Variants in FRMD4A observed in about 807,000 individuals in gnomAD.
FRMD4A encodes FERM domain containing 4A, also known as FERM domain-containing protein 4A.
Under a neutral mutation model 129.1 loss-of-function variants are expected in FRMD4A, and 29 were observed. That is an observed-to-expected ratio of 0.22 (90% confidence interval 0.17 to 0.31). FRMD4A has a LOEUF of 0.31. Ranked by LOEUF, FRMD4A falls within the 10% of genes least tolerant of loss-of-function variation. The probability of loss-of-function intolerance (pLI) is 1.00; values close to 1 mark genes in which losing one functional copy is unlikely to be tolerated. For synonymous variants in FRMD4A, 634 were observed against 571.6 expected (o/e 1.11, Z -1.56); for missense variants, 1,272 against 1,375.8 (o/e 0.92, Z 1.19).
At chr10:14,285,986 T>C (rs1029007267) in intron 2 of FRMD4A, among the ~76,000 whole-genome samples, 1 of 152,204 alleles carries the variant, frequency 6.6e-6, no homozygotes, top group African/African-American at 2.4e-5. Flanking sequence ...TGCAAAATGG[T>C]GGATCCATGA....
intron 2 of FRMD4A, among the ~76,000 whole-genome samples, chr10:14,013,134 A>T (rs566659165): frequency 2.0e-5 from 3 of 152,284 alleles, no homozygotes; most frequent in Admixed American, 1.3e-4. Flanking sequence ...TTTGTTCCTT[A>T]TCATTCTTTC....
intron 6 of FRMD4A, among the ~76,000 whole-genome samples, chr10:13,779,536 C>T (rs776787631): frequency 5.3e-5 from 8 of 152,128 alleles, no homozygotes; most frequent in Non-Finnish European, 8.8e-5. Context: ...GGACTTCAGA[C>T]GAGTCCCTGA....
intron 2 of FRMD4A, among the ~76,000 whole-genome samples, chr10:14,122,789 G>C (rs1225151319): frequency 6.6e-6 from 1 of 151,954 alleles, no homozygotes; most frequent in Non-Finnish European, 1.5e-5. Context: ...ATTTGGGTGG[G>C]GACACAGATC....
rs185015403 is a variant in FRMD4A, at chr10:14,012,532, A to G, written c.46-153620T>C. Among the ~76,000 whole-genome samples, 17 of 152,264 alleles carry G rather than the reference A, an allele frequency of 1.1e-4. No homozygotes were observed. The East Asian group carries it at 3.3e-3, about 29-fold the overall frequency. Reference sequence around the variant, plus strand: ...ATGGGGGGAATGTTCCATTGGAGAGAGAACATTTTGCAGTGTTGGTGATAA... The same window carrying G: ...ATGGGGGGAATGTTCCATTGGAGAGGGAACATTTTGCAGTGTTGGTGATAA... On this transcript the variant is annotated intron_variant, in intron 2 of 24. Transcript: ENST00000357447.
intron 2 of FRMD4A, among the ~76,000 whole-genome samples, chr10:14,055,436 GCTACACACACA>G (rs1194159667): frequency 7.1e-6 from 1 of 140,764 alleles, no homozygotes; most frequent in African/African-American, 2.7e-5. Flanking sequence ...TGCTGATCTA[GCTACACACACA>G]CACACACACA....
At chr10:13,926,926 G>A (rs1031456185) in intron 2 of FRMD4A, among the ~76,000 whole-genome samples, 1 of 152,108 alleles carries the variant, frequency 6.6e-6, no homozygotes, top group Non-Finnish European at 1.5e-5. Flanking sequence ...GTTCTTCCAA[G>A]TCCTAAGAGT....
At chr10:14,310,914 G>T (rs927748083) in intron 2 of FRMD4A, among the ~76,000 whole-genome samples, 3 of 152,026 alleles carry the variant, frequency 2.0e-5, no homozygotes, top group Non-Finnish European at 4.4e-5. Context: ...TCTTAAGCTC[G>T]CTCCTTGTGT....
intron 2 of FRMD4A, among the ~76,000 whole-genome samples, chr10:13,979,831 C>A (rs984100440): frequency 2.6e-5 from 4 of 152,216 alleles, no homozygotes; most frequent in African/African-American, 9.6e-5. Flanking sequence ...TGTTAAAACA[C>A]AGGCTATGGC....
At chr10:13,890,497 G>C in intron 2 of FRMD4A, 1 of 972,376 alleles carries the variant, frequency 1.0e-6, no homozygotes. Flanking sequence ...AGGTGGAAGG[G>C]GGGTACCAGC....
intron 2 of FRMD4A, among the ~76,000 whole-genome samples, chr10:14,069,302 G>A (rs1004376578): frequency 2.6e-5 from 4 of 152,154 alleles, no homozygotes; most frequent in Admixed American, 6.5e-5. Flanking sequence ...GCCATGGCAC[G>A]TTTCAATCAA....
At chr10:13,965,621 G>T (rs747768178) in intron 2 of FRMD4A, among the ~76,000 whole-genome samples, 6 of 152,150 alleles carry the variant, frequency 3.9e-5, no homozygotes, top group Non-Finnish European at 7.4e-5. Flanking sequence ...TTCTGCAATA[G>T]ATCATATAAA....
intron 2 of FRMD4A, among the ~76,000 whole-genome samples, chr10:14,037,180 C>G (rs1185255228): frequency 1.3e-5 from 2 of 152,210 alleles, no homozygotes; most frequent in Non-Finnish European, 2.9e-5. Context: ...CACAAACACA[C>G]AAATAGAACA....
intron 13 of FRMD4A, among the ~76,000 whole-genome samples, chr10:13,702,991 C>T (rs1236762749): frequency 6.6e-6 from 1 of 151,008 alleles, no homozygotes; most frequent in Non-Finnish European, 1.5e-5. Flanking sequence ...AGGGAGAGAG[C>T]GAGGGGGAGA....
intron 6 of FRMD4A, among the ~76,000 whole-genome samples, chr10:13,777,174 T>C (rs11258594): frequency 0.59 from 90,443 of 152,014 alleles, 28,996 homozygotes; most frequent in East Asian, 0.86. Flanking sequence ...CAGCAGTGCC[T>C]TTCATGATCT....
At chr10:13,896,957 T>G (rs1342543996) in intron 2 of FRMD4A, among the ~76,000 whole-genome samples, 1 of 152,208 alleles carries the variant, frequency 6.6e-6, no homozygotes, top group Non-Finnish European at 1.5e-5. Flanking sequence ...TTTGAATTTT[T>G]GCATGAAATT....
At chr10:14,265,835 A>C (rs1218126682) in intron 2 of FRMD4A, among the ~76,000 whole-genome samples, 1 of 152,238 alleles carries the variant, frequency 6.6e-6, no homozygotes, top group Non-Finnish European at 1.5e-5. Flanking sequence ...TTGCCAGAGC[A>C]GCTGGGAAGG....
At chr10:14,121,361 C>T (rs1314863189) in intron 2 of FRMD4A, among the ~76,000 whole-genome samples, 1 of 152,170 alleles carries the variant, frequency 6.6e-6, no homozygotes, top group Non-Finnish European at 1.5e-5. Flanking sequence ...GAGTGAGACT[C>T]TGTCTCAAAA....
Position 13,830,653 on chromosome 10 carries a change from G to A in FRMD4A, c.112-19745C>T, listed in dbSNP as rs2093775640. The stretch of plus-strand genomic sequence containing the variant: ...ATTGCCATTGAAGGCTTTATGGGAG[G>A]CCTTGCCCTACTTACCAGAGAAAGC... On this transcript the variant is annotated intron_variant, in intron 3 of 24. Transcript: ENST00000357447. 2.0e-5 allele frequency among the ~76,000 whole-genome samples: 3 copies of A among 152,220 alleles called. No homozygotes were observed. The South Asian group carries it at 6.2e-4, about 32-fold the overall frequency.
At chr10:13,678,190 C>A (rs573735926) in intron 15 of FRMD4A, among the ~76,000 whole-genome samples, 5 of 152,214 alleles carry the variant, frequency 3.3e-5, no homozygotes, top group Non-Finnish European at 7.4e-5. Flanking sequence ...CCACAGAAAA[C>A]AGGCAAGAAA....
Sources: gnomAD v4.1 joint callset for allele counts (sites outside exome capture counted in the v4.1 genomes callset) on GRCh38, gnomAD v4.1.1 for gene constraint, MANE v1.5 for transcripts, NCBI Gene and HGNC (gene_info 2026-07-23, HGNC 2026-07-21) for gene names.